MPZ: variants seen among roughly 807,000 people sequenced by gnomAD.
The protein encoded by MPZ is myelin protein P0.
In MPZ, 13 loss-of-function variants were observed where a neutral mutation model predicts 27.9. That is an observed-to-expected ratio of 0.47 (90% confidence interval 0.30 to 0.74). The LOEUF is 0.74. Among genes scored for constraint, MPZ ranks in the 30% least tolerant of loss-of-function variants. MPZ has a pLI of 0.06. For missense variants in MPZ, 256 were observed against 317.5 expected (o/e 0.81, Z 1.47); for synonymous variants, 118 against 128.9 (o/e 0.92, Z 0.57).
intron 1 of MPZ, among the ~76,000 whole-genome samples, chr1:161,308,085 A>T (rs532586994): frequency 2.0e-5 from 3 of 152,334 alleles, no homozygotes; most frequent in African/African-American, 7.2e-5. Context: ...TGATTCATAG[A>T]TATCAATCTT....
At chr1:161,306,191 A>G (rs774969425) in intron 4 of MPZ, 23 bp from the exon 5 acceptor site, 5 of 1,614,052 alleles carry the variant, frequency 3.1e-6, no homozygotes, top group Non-Finnish European at 3.4e-6. Flanking sequence ...AGACTGCTGT[A>G]CGTTTGGCCT....
At position 161,305,806 on chromosome 1, in the gene MPZ, T is replaced by A. The variant is rs1670220667; in HGVS notation, c.*70A>T. 15 of 1,151,080 alleles carry A rather than the reference T, an allele frequency of 1.3e-5. No homozygotes were observed. Among genetic ancestry groups the A allele is most frequent in the Non-Finnish European group, 1.8e-5 (14 of 784,056 alleles). 71.3% of individuals were successfully genotyped at this position (1,151,080 alleles called of 1,614,324 possible). On this transcript the variant is annotated 3_prime_UTR_variant, in exon 6 of 6. Transcript: ENST00000533357. Reference sequence around the variant, plus strand: ...TCATCCTTTCGTAGCTCCATCTCGATGACCATCACCTTTGGGCCTTTGGCG... The same window carrying A: ...TCATCCTTTCGTAGCTCCATCTCGAAGACCATCACCTTTGGGCCTTTGGCG...
intron 1 of MPZ, among the ~76,000 whole-genome samples, chr1:161,309,552 A>ATATATATATTTTTTTTTT: frequency 2.7e-4 from 22 of 80,628 alleles, no homozygotes; most frequent in African/African-American, 9.2e-4. Flanking sequence ...ATATATATAT[A>ATATATATATTTTTTTTTT]TTTTTTTTTT....
At position 161,309,877 on chromosome 1, in the gene MPZ, G is replaced by A. The variant is rs1367546792; in HGVS notation, c.29C>T (p.Pro10Leu). Residue 10 changes from proline (P) to leucine (L), a missense_variant, in exon 1 of 6, where the codon CCC (proline) becomes CTC (leucine). Pro to Leu is a moderately conservative substitution (Grantham distance 98, BLOSUM62 -3). This residue lies in a region of MPZ where 155 missense variants were observed against 223.9 expected (regional missense o/e 0.69). Coordinates refer to ENST00000533357, the MANE Select transcript of MPZ (RefSeq NM_000530.8). ...GAGCAGCACAGCCAGGATAGGGCTG[G>A]GGCTGGATGAGGGAGCCCCAGGAGC... MAPGAPSSS[P>L]SPILAVLLFS... The A allele has an allele frequency of 3.8e-6, 6 of 1,589,660 alleles. No homozygotes were observed. The highest frequency in any genetic ancestry group is 5.1e-6 in the Non-Finnish European group (6 of 1,169,244).
rs1670219193 is a variant in MPZ, at chr1:161,305,730, AG to A, written c.*145del. 8.0e-6 allele frequency: 5 copies of A among 628,390 alleles called. No homozygotes were observed. In the East Asian group the frequency reaches 1.4e-4, roughly 17 times the overall value. 38.9% of individuals were successfully genotyped at this position (628,390 alleles called of 1,614,324 possible). ...CATCATGTTCTTGAGGGCGTTTTTG[AG>A]GCTGGTTCTGCTGGGGGACTTGACA... On this transcript the variant is annotated 3_prime_UTR_variant, in exon 6 of 6. Transcript: ENST00000533357.
rs1270089012 is a variant in MPZ at position 161,306,630 on chromosome 1, T to A, written c.448+78A>T. 3 of 1,573,306 alleles carry A rather than the reference T, an allele frequency of 1.9e-6. No individual in the cohort carries two copies. The East Asian group carries it at 6.7e-5, about 35-fold the overall frequency. ...AGGTCCTTAGGCCGGGCTTTTTGCC[T>A]CTTCCCCCAACCTATCAGTCCTCCC... On this transcript the variant is annotated intron_variant, in intron 3 of 5. Coordinates refer to ENST00000533357, the MANE Select transcript of MPZ (RefSeq NM_000530.8).
intron 1 of MPZ, among the ~76,000 whole-genome samples, chr1:161,307,750 G>T (rs1453477006): frequency 1.3e-5 from 2 of 152,184 alleles, no homozygotes; most frequent in Non-Finnish European, 2.9e-5. Flanking sequence ...TCCTTTAGAT[G>T]CAGTGTTCTA....
rs1670243368 is a variant in MPZ, at chr1:161,306,353, T to G, written c.560A>C (p.Gln187Pro). The G allele has an allele frequency of 1.2e-6, 2 of 1,614,088 alleles. No homozygotes were observed. The highest frequency in any genetic ancestry group is 1.3e-5 in the African/African-American group (1 of 74,926). The change falls in exon 4 of 6, where the codon CAG becomes CCG. Residue 187 changes from glutamine to proline, a missense_variant. Coordinates refer to ENST00000533357, the MANE Select transcript of MPZ (RefSeq NM_000530.8). Reference sequence around the variant, plus strand: ...CCTGAGCCTCCTCTGCAGGGCCGCCTGCCTGCGTAGCCAGCAGTACCGAAC... The same window carrying G: ...CCTGAGCCTCCTCTGCAGGGCCGCCGGCCTGCGTAGCCAGCAGTACCGAAC... ...YVVRYCWLRR[Q>P]AALQRRLSAM... is the part of the protein sequence containing the mutation.
chr1:161,309,746 C>T, intron 1 of MPZ, 93 bp downstream of exon 1: 1 of 1,018,644 alleles, frequency 9.8e-7, no homozygotes, highest in Admixed American at 2.0e-5. Flanking sequence ...CTTGTTCTTT[C>T]TTTGGTTGCA....
Position 161,306,528 on chromosome 1 carries a change from G to A in MPZ, c.449-64C>T, listed in dbSNP as rs142218341. 4.2e-5 allele frequency: 68 copies of A among 1,605,272 alleles called. No individual in the cohort carries two copies. The African/African-American group carries it at 6.7e-4, about 16-fold the overall frequency. ...GCCCTGTATCTGTGGTTCCTAGTCC[G>A]AGTGTATGCCCTGCATTGAGGATGT... On this transcript the variant is annotated intron_variant, in intron 3 of 5. Coordinates refer to ENST00000533357, the MANE Select transcript of MPZ (RefSeq NM_000530.8).
chr1:161,304,704 A>G (rs1670184125), downstream of MPZ: 1 of 152,772 alleles, frequency 6.5e-6, no homozygotes, highest in African/African-American at 2.4e-5. Flanking sequence ...TATTCCCAGG[A>G]GGACTAGGAA....
chr1:161,305,901 C>G lies in MPZ; in HGVS notation c.722G>C (p.Gly241Ala), dbSNP rs775575673. ...AVSEKKAKGL[G>A]ESRKDKK ...CTATTTCTTATCCTTGCGAGACTCC[C>G]CCAGCCCCTTGGCCTTCTTCTCACT... Residue 241 changes from glycine to alanine, a missense_variant, in exon 6 of 6, where the codon GGG (glycine) becomes GCG (alanine). By Grantham distance (60) the Gly-to-Ala change is moderately conservative (BLOSUM62 0). This residue lies in a region of MPZ where 101 missense variants were observed against 93.6 expected (regional missense o/e 1.08). Transcript: ENST00000533357. 1.2e-6 allele frequency: 2 copies of G among 1,614,026 alleles called. No individual in the cohort carries two copies. Among genetic ancestry groups the G allele is most frequent in the Non-Finnish European group, 1.7e-6 (2 of 1,179,960 alleles).
In MPZ at chr1:161,305,823, C is replaced by T; in HGVS notation, c.*53G>A. On this transcript the variant is annotated 3_prime_UTR_variant, in exon 6 of 6. Coordinates refer to ENST00000533357, the MANE Select transcript of MPZ (RefSeq NM_000530.8). ...CATCTCGATGACCATCACCTTTGGG[C>T]CTTTGGCGGACTCCACCCCTAACCC... is the stretch of plus-strand genomic sequence containing the variant. 7.4e-7 allele frequency: 1 copy of T among 1,350,286 alleles called. No individual in the cohort carries two copies. Among genetic ancestry groups the T allele is most frequent in the Non-Finnish European group, 1.1e-6 (1 of 952,374 alleles). 83.6% of individuals were successfully genotyped at this position (1,350,286 alleles called of 1,614,324 possible).
At position 161,309,552 on chromosome 1, in the gene MPZ, A is replaced by ATATATATTTTTTTTT; in HGVS notation, c.67+286_67+287insAAAAAAAAATATATA. Among the ~76,000 whole-genome samples the ATATATATTTTTTTTT allele has an allele frequency of 1.8e-3, 146 of 80,588 alleles. 2 individuals are homozygous for ATATATATTTTTTTTT. Among genetic ancestry groups the ATATATATTTTTTTTT allele is most frequent in the East Asian group, 4.5e-3 (18 of 4,000 alleles). The allele number at this position is 80,588 out of a possible 152,430, so 52.9% of individuals were successfully genotyped here. ...TTTCTTTTCATATATATATATATAT[A>ATATATATTTTTTTTT]TTTTTTTTTTTTTTGAATTTTACAG... On this transcript the variant is annotated intron_variant, in intron 1 of 5. Coordinates refer to ENST00000533357, the MANE Select transcript of MPZ (RefSeq NM_000530.8).
In MPZ at chr1:161,306,909, C is replaced by A; in HGVS notation, c.247G>T (p.Ala83Ser). The change falls in exon 3 of 6, where the codon GCC becomes TCC. Residue 83 changes from alanine to serine, a missense_variant. Ala to Ser is a moderately conservative substitution (Grantham distance 99). This residue lies in a region of MPZ where 155 missense variants were observed against 223.9 expected (regional missense o/e 0.69). Coordinates refer to ENST00000533357, the MANE Select transcript of MPZ (RefSeq NM_000530.8). ...TCGTCAATGTAGGGTTGTCCCTTGG[C>A]ATAGTGGAAGATCTATGAGGAATGA... ...GRDAISIFHY[A>S]KGQPYIDEVG... is the part of the protein sequence containing the mutation. 1 of 1,589,778 alleles carries A rather than the reference C, an allele frequency of 6.3e-7. No homozygotes were observed.
chr1:161,306,221 G>A, intron 4 of MPZ, 53 bp from the exon 5 acceptor site: 1 of 1,611,236 alleles, frequency 6.2e-7, no homozygotes, highest in Non-Finnish European at 8.5e-7. Flanking sequence ...CCCTTGCACC[G>A]CGGACACAGC....
intron 3 of MPZ, 93 bp from the exon 4 acceptor site, chr1:161,306,557 ACTCCCAGCTAAAACTGCCTTC>A (rs2102258475): frequency 6.3e-7 from 1 of 1,577,634 alleles, no homozygotes; most frequent in African/African-American, 1.3e-5. Flanking sequence ...AGGATGTAGG[ACTCCCAGCTAAAACTGCCTTC>A]TGCCCACGCT....
At chr1:161,307,811 C>T (rs7550839) in intron 1 of MPZ, among the ~76,000 whole-genome samples, 30,242 of 152,146 alleles carry the variant, frequency 0.2, 3,382 homozygotes, top group African/African-American at 0.29. Flanking sequence ...TTGTACTCTT[C>T]TTATAAACTA....
At position 161,306,282 on chromosome 1, in the gene MPZ, G is replaced by A. The variant is rs371678189; in HGVS notation, c.584+47C>T. On this transcript the variant is annotated intron_variant, in intron 4 of 5. Transcript: ENST00000533357. ...CCACTGGAGTAGTCTCCGCCCAGAT[G>A]GGGGATAGTGGGGAGAGGGGGAGGG... is the stretch of plus-strand genomic sequence containing the variant. The A allele has an allele frequency of 8.2e-5, 132 of 1,613,320 alleles. 1 individual carries two copies. The African/African-American group carries it at 1.5e-3, about 19-fold the overall frequency.
Sources: gnomAD v4.1 joint callset for allele counts (sites outside exome capture counted in the v4.1 genomes callset) on GRCh38, gnomAD v4.1.1 for gene constraint, gnomAD v4.1.1 regional missense constraint, MANE v1.5 for transcripts, NCBI Gene and HGNC (gene_info 2026-07-23, HGNC 2026-07-21) for gene names.